Variants in GABRB1 observed in about 807,000 individuals in gnomAD.
GABRB1 encodes gamma-aminobutyric acid type A receptor subunit beta1.
A neutral mutation model predicts 51.6 loss-of-function variants in GABRB1; 17 were observed. The ratio of observed to expected loss-of-function variants is 0.33; its 90% CI spans 0.23 to 0.49. The LOEUF is 0.49. GABRB1 is among the 20% of genes least tolerant of loss of function. GABRB1 has a pLI of 0.99. For synonymous variants in GABRB1, 247 were observed against 218.9 expected, an observed-to-expected ratio of 1.13 and a Z score of -1.14; for missense variants, 410 against 600.6, an observed-to-expected ratio of 0.68 and a Z score of 3.32.
At chr4:47,222,429 T>C (rs1175373255) in intron 4 of GABRB1, among the ~76,000 whole-genome samples, 1 of 152,102 alleles carries the variant, frequency 6.6e-6, no homozygotes, top group Non-Finnish European at 1.5e-5. Context: ...TGTGACTTGC[T>C]TTGGTCAATA....
At chr4:47,173,133 T>C (rs1450412111) in intron 4 of GABRB1, among the ~76,000 whole-genome samples, 2 of 152,202 alleles carry the variant, frequency 1.3e-5, no homozygotes, top group South Asian at 2.1e-4. Context: ...TTCTTACCCC[T>C]TTTTAAATAA....
chr4:47,290,300 T>C (rs1019142278), intron 4 of GABRB1, among the ~76,000 whole-genome samples: 6 of 152,230 alleles, frequency 3.9e-5, no homozygotes, highest in African/African-American at 1.4e-4. Flanking sequence ...GGAGTTTTCC[T>C]GCACAAGCTC....
intron 4 of GABRB1, among the ~76,000 whole-genome samples, chr4:47,237,143 G>A (rs558523567): frequency 2.0e-5 from 3 of 151,824 alleles, no homozygotes; most frequent in Non-Finnish European, 4.4e-5. Context: ...AATGAAAAAG[G>A]TTATAATTTT....
At chr4:47,163,279 T>C (rs1718039648) in intron 4 of GABRB1, among the ~76,000 whole-genome samples, 2 of 152,078 alleles carry the variant, frequency 1.3e-5, no homozygotes, top group South Asian at 4.1e-4. Context: ...AGTCCTAAAT[T>C]ATATTTCTCT....
chr4:47,320,145 A>G lies in GABRB1; in HGVS notation c.480A>G (p.Ala160=), dbSNP rs367612329. The G allele has an allele frequency of 6.2e-6, 10 of 1,602,930 alleles. No homozygotes were observed. In the Admixed American group the frequency reaches 1.5e-4, roughly 24 times the overall value. The change falls in exon 5 of 9, where the codon GCA becomes GCG. Residue 160 remains alanine (A), a synonymous_variant. Coordinates refer to ENST00000295454, the MANE Select transcript of GABRB1 (RefSeq NM_000812.4). ...CTATCAGAATCACAACCACAGCTGC[A>G]TGTATGATGGATCTTCGAAGATATC... ...LYGLRITTTA[A]CMMDLRRYPL... is the part of the protein sequence containing the mutation.
chr4:47,071,862 C>T (rs1354153889), intron 3 of GABRB1, among the ~76,000 whole-genome samples: 1 of 151,738 alleles, frequency 6.6e-6, no homozygotes, highest in African/African-American at 2.4e-5. Context: ...CATATGTAAC[C>T]TATTTTTTAG....
chr4:47,144,898 G>T (rs1216895065), intron 3 of GABRB1, among the ~76,000 whole-genome samples: 1 of 151,762 alleles, frequency 6.6e-6, no homozygotes, highest in Non-Finnish European at 1.5e-5. Flanking sequence ...TCATGACCAC[G>T]CATGCCAAGC....
chr4:47,008,852 CCTTTTTTTTTTTT>C (rs1243965042), intron 1 of GABRB1, among the ~76,000 whole-genome samples: 5 of 56,476 alleles, frequency 8.9e-5, no homozygotes, highest in African/African-American at 3.1e-4. Flanking sequence ...TCAGATACTA[CCTTTTTTTTTTTT>C]TTTTTTTTTT....
intron 3 of GABRB1, among the ~76,000 whole-genome samples, chr4:47,128,040 A>G (rs1716240122): frequency 6.6e-6 from 1 of 151,778 alleles, no homozygotes; most frequent in African/African-American, 2.4e-5. Context: ...AATATAAACT[A>G]TATATGAATA....
chr4:47,199,119 C>A (rs918208465), intron 4 of GABRB1, among the ~76,000 whole-genome samples: 12 of 152,056 alleles, frequency 7.9e-5, no homozygotes, highest in African/African-American at 2.9e-4. Context: ...GGAGGCGGGG[C>A]CTGGTTTCTC....
At chr4:47,155,384 T>C (rs1464630310) in intron 3 of GABRB1, among the ~76,000 whole-genome samples, 1 of 152,044 alleles carries the variant, frequency 6.6e-6, no homozygotes, top group African/African-American at 2.4e-5. Flanking sequence ...AAAACATAAA[T>C]ATGAACAAGG....
Position 47,220,987 on chromosome 4 carries a change from GT to G in GABRB1, c.461+59520del, listed in dbSNP as rs1720746772. ...ATTAAGTGCTCTGTAAATGCCAGAC[GT>G]TACCACCTTTGATGTAACAATTGCA... On this transcript the variant is annotated intron_variant, in intron 4 of 8. Transcript: ENST00000295454. Among the ~76,000 whole-genome samples, 4 of 151,874 alleles carry G rather than the reference GT, an allele frequency of 2.6e-5. No individual in the cohort carries two copies. In the South Asian group the frequency reaches 8.3e-4, roughly 32 times the overall value.
At chr4:47,032,071 G>C in intron 2 of GABRB1, 66 bp downstream of exon 2, 2 of 655,922 alleles carry the variant, frequency 3.0e-6, no homozygotes, top group South Asian at 2.3e-5. Context: ...AAAGATAAAT[G>C]TCAAAAAAAA....
intron 3 of GABRB1, among the ~76,000 whole-genome samples, chr4:47,113,746 A>G (rs1715341055): frequency 6.6e-6 from 1 of 152,266 alleles, no homozygotes; most frequent in African/African-American, 2.4e-5. Flanking sequence ...AATTAGCAGA[A>G]CACAACCTGG....
At chr4:47,394,794 C>G (rs981820434) in intron 5 of GABRB1, among the ~76,000 whole-genome samples, 3 of 150,256 alleles carry the variant, frequency 2.0e-5, no homozygotes, top group Admixed American at 6.6e-5. Context: ...TCCCCTTCTT[C>G]CAAGCCAATT....
chr4:46,994,940 T>C (rs919277933), intron 1 of GABRB1, among the ~76,000 whole-genome samples: 1 of 152,192 alleles, frequency 6.6e-6, no homozygotes, highest in Non-Finnish European at 1.5e-5. Flanking sequence ...ATTCAAGTTT[T>C]CTTTCTAAGG....
chr4:47,367,504 C>T (rs561999082), intron 5 of GABRB1, among the ~76,000 whole-genome samples: 8 of 152,214 alleles, frequency 5.3e-5, no homozygotes, highest in South Asian at 2.1e-4. Flanking sequence ...TAGAGATCTT[C>T]GACTACCCCA....
intron 4 of GABRB1, among the ~76,000 whole-genome samples, chr4:47,182,188 A>G (rs1250636417): frequency 6.6e-6 from 1 of 151,930 alleles, no homozygotes; most frequent in Non-Finnish European, 1.5e-5. Flanking sequence ...ACAGCATGAG[A>G]GCCATTTCCT....
intron 4 of GABRB1, among the ~76,000 whole-genome samples, chr4:47,228,037 G>A (rs1219502097): frequency 1.3e-5 from 2 of 152,090 alleles, no homozygotes; most frequent in Non-Finnish European, 2.9e-5. Flanking sequence ...AGTACTGAGG[G>A]TTAGGTGTAC....
Sources: allele counts gnomAD v4.1 joint callset (sites outside exome capture counted in the v4.1 genomes callset), GRCh38; gene constraint gnomAD v4.1.1; transcripts MANE v1.5; gene names NCBI Gene and HGNC (gene_info 2026-07-23, HGNC 2026-07-21).